Variants in SPTAN1 observed in about 807,000 individuals in gnomAD.
The protein encoded by SPTAN1 is spectrin alpha, non-erythrocytic 1, also known as spectrin alpha chain, non-erythrocytic 1.
A neutral mutation model predicts 331.3 loss-of-function variants in SPTAN1; 61 were observed. The observed-to-expected ratio is 0.18, with a 90% confidence interval of 0.15 to 0.23. SPTAN1 has a LOEUF of 0.23. Ranked by LOEUF, SPTAN1 falls within the 10% of genes least tolerant of loss-of-function variation. The pLI, the probability that SPTAN1 is intolerant of heterozygous loss-of-function variation, is 1.00. For synonymous variants in SPTAN1, 1,153 were observed against 1,173.9 expected (o/e 0.98, Z 0.36); for missense variants, 2,043 against 3,147.9 (o/e 0.65, Z 8.40).
chr9:128,568,314 C>G (rs1246493001), intron 2 of SPTAN1, among the ~76,000 whole-genome samples: 3 of 152,022 alleles, frequency 2.0e-5, no homozygotes, highest in Non-Finnish European at 1.5e-5. Flanking sequence ...TAGGCAGGGT[C>G]AAAGAGTCTG....
Position 128,577,078 on chromosome 9 carries a change from G to A in SPTAN1, c.786-51G>A. On this transcript the variant is annotated intron_variant, in intron 6 of 56. Transcript: ENST00000372739. This position sits in a 1 kb window ranked among gnomAD's most constrained non-coding sequence, Gnocchi z 4.2. ...GCCTTGGTCCCATGGGGTGTTCCTAGTTCTAGGGAGTCATCATTGCTGTGG... is the reference window on the plus strand; with the variant it reads ...GCCTTGGTCCCATGGGGTGTTCCTAATTCTAGGGAGTCATCATTGCTGTGG... 6.8e-6 allele frequency: 11 copies of A among 1,613,996 alleles called. No homozygotes were observed. Among genetic ancestry groups the A allele is most frequent in the Non-Finnish European group, 9.3e-6 (11 of 1,180,002 alleles).
In SPTAN1 at chr9:128,632,499, A is replaced by G. The variant is rs1564330478; in HGVS notation, c.7013+15A>G. 3.0e-5 allele frequency: 49 copies of G among 1,614,096 alleles called. No homozygotes were observed. Among genetic ancestry groups the G allele is most frequent in the Non-Finnish European group, 4.2e-5 (49 of 1,180,002 alleles). On this transcript the variant is annotated intron_variant, in intron 54 of 56. Coordinates refer to ENST00000372739, the MANE Select transcript of SPTAN1 (RefSeq NM_001130438.3). ...ATGATGTTTAAGTGAGTTCAGCCTT[A>G]CTCGCCCTGGCTGGGTGGGGGGTGT... is the stretch of plus-strand genomic sequence containing the variant.
intron 4 of SPTAN1, 126 bp downstream of exon 4, chr9:128,574,941 G>A (rs1851137110): frequency 7.2e-7 from 1 of 1,381,088 alleles, no homozygotes; most frequent in Non-Finnish European, 1.0e-6. Context: ...GGTGGAAGTG[G>A]GGTTGCTGTC....
In SPTAN1 at chr9:128,576,975, C is replaced by A; in HGVS notation, c.785+19C>A. 1.9e-6 allele frequency: 3 copies of A among 1,614,058 alleles called. No individual in the cohort carries two copies. The highest frequency in any genetic ancestry group is 2.5e-6 in the Non-Finnish European group (3 of 1,180,042). On this transcript the variant is annotated intron_variant, in intron 6 of 56. Transcript: ENST00000372739. The stretch of plus-strand genomic sequence containing the variant: ...TTAACAGGTGTCAAGCCAGAGTGGG[C>A]TTTGGGGAATGGGTCTCAACCTGGA...
At chr9:128,598,579 C>A (rs1040061198) in intron 25 of SPTAN1, 75 bp downstream of exon 25, 43 of 1,218,038 alleles carry the variant, frequency 3.5e-5, no homozygotes, top group Non-Finnish European at 5.0e-5. Context: ...TCTGTCATAG[C>A]CCAACAAGCA....
chr9:128,616,320 G>A (rs1387147377), intron 41 of SPTAN1, among the ~76,000 whole-genome samples: 1 of 151,450 alleles, frequency 6.6e-6, no homozygotes, highest in Admixed American at 6.6e-5. Context: ...GTTTCACTAT[G>A]TTGGCCAGGC....
intron 34 of SPTAN1, 32 bp from the exon 35 acceptor site, chr9:128,608,842 C>T (rs1343645903): frequency 6.2e-7 from 1 of 1,608,088 alleles, no homozygotes; most frequent in Admixed American, 1.7e-5. Context: ...GCCACAGGCC[C>T]ACCTTGATCT....
intron 52 of SPTAN1, chr9:128,631,737 G>A (rs748421270): frequency 4.3e-6 from 1 of 234,052 alleles, no homozygotes; most frequent in Non-Finnish European, 8.5e-6. Flanking sequence ...TGAGGCAGGA[G>A]AATCACTTGA....
intron 31 of SPTAN1, among the ~76,000 whole-genome samples, chr9:128,606,222 G>A (rs981993846): frequency 1.3e-5 from 2 of 149,092 alleles, no homozygotes; most frequent in African/African-American, 4.9e-5. Flanking sequence ...ATACAAACCA[G>A]CCGGGCGTGG....
chr9:128,561,399 C>G (rs1423557540), intron 1 of SPTAN1, among the ~76,000 whole-genome samples: 1 of 148,980 alleles, frequency 6.7e-6, no homozygotes, highest in East Asian at 2.0e-4. Context: ...CGCGGTGGCT[C>G]ACGCCTGTAA....
chr9:128,579,549 C>A, intron 9 of SPTAN1, 88 bp from the exon 10 acceptor site: 2 of 989,634 alleles, frequency 2.0e-6, no homozygotes, highest in South Asian at 1.3e-5. Flanking sequence ...CATAGTCTGG[C>A]TTATAATGCT....
Position 128,627,007 on chromosome 9 carries a change from G to A in SPTAN1, c.6576+320G>A, listed in dbSNP as rs1243406020. ...TTATTTTAATTTTTGTAGACAGGGT[G>A]TTGCTATGTTGCCCAGGCTGGTCTT... is the stretch of plus-strand genomic sequence containing the variant. On this transcript the variant is annotated intron_variant, in intron 49 of 56. Transcript: ENST00000372739. This position sits in a 1 kb window ranked among gnomAD's most constrained non-coding sequence, Gnocchi z 4.9. The A allele has an allele frequency of 3.6e-6, 2 of 553,360 alleles. No homozygotes were observed. The highest frequency in any genetic ancestry group is 6.8e-6 in the Non-Finnish European group (2 of 292,060). 34.3% of individuals were successfully genotyped at this position (553,360 alleles called of 1,614,324 possible).
rs748076414 is a variant in SPTAN1 at position 128,607,624 on chromosome 9, A to G, written c.4067A>G (p.Asn1356Ser). ...SDFRDLMSWINGIRGLVSSDE... is the reference protein window; with the variant it reads ...SDFRDLMSWISGIRGLVSSDE... ...TCCAGGGACCTCATGTCTTGGATCA[A>G]TGGAATACGGGGGTTGGTGTCCTCA... is the stretch of plus-strand genomic sequence containing the variant. Residue 1356 changes from asparagine to serine, a missense_variant, in exon 32 of 57, where the codon AAT (asparagine) becomes AGT (serine). Physicochemically the swap from Asn to Ser is conservative, Grantham distance 46 (BLOSUM62 1). Coordinates refer to ENST00000372739, the MANE Select transcript of SPTAN1 (RefSeq NM_001130438.3). 43 of 1,613,922 alleles carry G rather than the reference A, an allele frequency of 2.7e-5. No individual in the cohort carries two copies. The highest frequency in any genetic ancestry group is 5.5e-5 in the South Asian group (5 of 91,078).
intron 1 of SPTAN1, among the ~76,000 whole-genome samples, chr9:128,562,800 T>G (rs1273874816): frequency 2.6e-5 from 4 of 151,404 alleles, no homozygotes; most frequent in Non-Finnish European, 4.4e-5. Flanking sequence ...CCATCTCTAC[T>G]AAAAAATAGA....
At chr9:128,562,550 G>A (rs897614493) in intron 1 of SPTAN1, among the ~76,000 whole-genome samples, 1 of 152,162 alleles carries the variant, frequency 6.6e-6, no homozygotes, top group African/African-American at 2.4e-5. Flanking sequence ...ACGGCTGGAG[G>A]AGACAACTGG....
chr9:128,570,512 A>G (rs1430720477), intron 3 of SPTAN1, among the ~76,000 whole-genome samples: 4 of 149,062 alleles, frequency 2.7e-5, no homozygotes, highest in African/African-American at 9.9e-5. Flanking sequence ...TAATTTTTGT[A>G]TATTTAGTAG....
At chr9:128,568,402 G>A (rs1850281573) in intron 2 of SPTAN1, among the ~76,000 whole-genome samples, 1 of 152,206 alleles carries the variant, frequency 6.6e-6, no homozygotes, top group African/African-American at 2.4e-5. Context: ...ACTGAATGTT[G>A]AGAAAACTGT....
rs778699458 is a variant in SPTAN1, at chr9:128,633,367, T to C, written c.*33T>C. 6.2e-7 allele frequency: 1 copy of C among 1,613,294 alleles called. No homozygotes were observed. Among genetic ancestry groups the C allele is most frequent in the Admixed American group, 1.7e-5 (1 of 60,020 alleles). The stretch of plus-strand genomic sequence containing the variant: ...CCTGGGTCACCCACCCCTCGCTGCT[T>C]GCCCTGCGTCGCCTTGCTGCATGTC... On this transcript the variant is annotated 3_prime_UTR_variant, in exon 57 of 57. Coordinates refer to ENST00000372739, the MANE Select transcript of SPTAN1 (RefSeq NM_001130438.3).
rs1852371805 is a variant in SPTAN1, at chr9:128,584,816, C to T, written c.2533C>T (p.Gln845Ter). The change falls in exon 18 of 57, where the codon CAG (glutamine) becomes TAG (stop). Residue 845 changes from glutamine to a stop codon, truncating the protein, a stop_gained. Transcript: ENST00000372739. LOFTEE classifies it high-confidence loss of function. ...GHEPRIKAVT[Q>*]KGNAMVEEGH... is the part of the protein sequence containing the mutation. The stretch of plus-strand genomic sequence containing the variant: ...TGAACCACGCATCAAAGCAGTTACA[C>T]AGAAGGGGAATGCCATGGTGGAGGA... 6.2e-7 allele frequency: 1 copy of T among 1,614,146 alleles called. No individual in the cohort carries two copies. The highest frequency in any genetic ancestry group is 8.5e-7 in the Non-Finnish European group (1 of 1,180,036).
Sources: gnomAD v4.1 joint callset for allele counts (sites outside exome capture counted in the v4.1 genomes callset) on GRCh38, gnomAD v4.1.1 for gene constraint, Gnocchi (gnomAD v3.1) non-coding constraint, MANE v1.5 for transcripts, NCBI Gene and HGNC (gene_info 2026-07-23, HGNC 2026-07-21) for gene names.